Variants in LRRC4C observed in about 807,000 individuals in gnomAD.
The protein encoded by LRRC4C is leucine rich repeat containing 4C.
LRRC4C carries 5 observed loss-of-function variants against 33.6 expected under a neutral mutation model. The ratio of observed to expected loss-of-function variants is 0.15; its 90% CI spans 0.08 to 0.31. The LOEUF is 0.31. LRRC4C is among the 10% of genes least tolerant of loss of function. The pLI is 1.00. For missense variants in LRRC4C, 560 were observed against 796.7 expected, an observed-to-expected ratio of 0.70 and a Z score of 3.58; for synonymous variants, 329 against 302.0, an observed-to-expected ratio of 1.09 and a Z score of -0.93.
Position 40,336,976 on chromosome 11 carries a change from CAAAAAAAAAA to C in LRRC4C, c.-269-17265_-269-17256del, listed in dbSNP as rs34144874. 4.0e-3 allele frequency among the ~76,000 whole-genome samples: 313 copies of C among 79,228 alleles called. 1 individual carries two copies. The highest frequency in any genetic ancestry group is 0.015 in the South Asian group (41 of 2,656). The allele number at this position is 79,228 out of a possible 152,430, so 52.0% of individuals were successfully genotyped here. The stretch of plus-strand genomic sequence containing the variant: ...TGGGGGACAGAGCGAGACTTCGTCT[CAAAAAAAAAA>C]AAAAAAAAAAAAAAAAAAAAGAGCG... On this transcript the variant is annotated intron_variant, in intron 3 of 6. Transcript: ENST00000528697.
At chr11:40,728,250 A>AATTAAAAATAG (rs1458819742) in intron 2 of LRRC4C, among the ~76,000 whole-genome samples, 1 of 152,150 alleles carries the variant, frequency 6.6e-6, no homozygotes, top group Non-Finnish European at 1.5e-5. Flanking sequence ...TTTCTCAAAG[A>AATTAAAAATAG]ATTAAAAATA....
At chr11:40,303,292 G>A (rs16934698) in intron 4 of LRRC4C, among the ~76,000 whole-genome samples, 8,147 of 152,102 alleles carry the variant, frequency 0.054, 303 homozygotes, top group African/African-American at 0.093. Flanking sequence ...ATTAATTTGC[G>A]TATTTGTTTG....
intron 3 of LRRC4C, among the ~76,000 whole-genome samples, chr11:40,565,241 T>C (rs546042051): frequency 1.7e-4 from 26 of 152,212 alleles, no homozygotes; most frequent in African/African-American, 6.0e-4. Context: ...GAAGTGAGTC[T>C]GTGCATCATA....
At chr11:40,982,511 A>G (rs1020477040) in intron 1 of LRRC4C, among the ~76,000 whole-genome samples, 6 of 152,186 alleles carry the variant, frequency 3.9e-5, no homozygotes, top group African/African-American at 1.2e-4. Context: ...ATGCATGCCA[A>G]TCAGCCTGTA....
intron 4 of LRRC4C, among the ~76,000 whole-genome samples, chr11:40,303,083 G>A (rs1272579605): frequency 6.6e-6 from 1 of 152,084 alleles, no homozygotes; most frequent in African/African-American, 2.4e-5. Flanking sequence ...GGGCTAATAA[G>A]AAGTGACATG....
chr11:40,633,652 A>G (rs772564458), intron 3 of LRRC4C, among the ~76,000 whole-genome samples: 3 of 152,036 alleles, frequency 2.0e-5, no homozygotes, highest in Non-Finnish European at 1.5e-5. Flanking sequence ...GGCCTCCCAA[A>G]GTGCTGGGAT....
intron 2 of LRRC4C, among the ~76,000 whole-genome samples, chr11:40,698,375 T>A (rs946504363): frequency 5.3e-5 from 8 of 152,214 alleles, no homozygotes; most frequent in Non-Finnish European, 1.2e-4. Flanking sequence ...TAACTTTTAA[T>A]TCTTCTCTAT....
intron 3 of LRRC4C, among the ~76,000 whole-genome samples, chr11:40,597,733 C>T (rs1959504583): frequency 6.6e-6 from 1 of 152,156 alleles, no homozygotes; most frequent in African/African-American, 2.4e-5. Context: ...GAACGCTGAG[C>T]TAGCAAATTC....
At position 41,423,645 on chromosome 11, in the gene LRRC4C, T is replaced by G. The variant is rs370025415; in HGVS notation, c.-496+35786A>C. 2.0e-5 allele frequency among the ~76,000 whole-genome samples: 3 copies of G among 152,180 alleles called. No individual in the cohort carries two copies. In the South Asian group the frequency reaches 6.2e-4, roughly 32 times the overall value. Reference sequence around the variant, plus strand: ...TAACTTCAATTAAGAAAAAGAGAACTGGATACTGAGTAGCAAAATACTTCT... The same window carrying G: ...TAACTTCAATTAAGAAAAAGAGAACGGGATACTGAGTAGCAAAATACTTCT... On this transcript the variant is annotated intron_variant, in intron 1 of 6. Coordinates refer to ENST00000528697, the MANE Select transcript of LRRC4C (RefSeq NM_001258419.2).
At chr11:40,177,946 T>C (rs1186937401) in intron 5 of LRRC4C, among the ~76,000 whole-genome samples, 1 of 152,200 alleles carries the variant, frequency 6.6e-6, no homozygotes, top group Non-Finnish European at 1.5e-5. Flanking sequence ...TCAATTTTCA[T>C]AAAGACTTTG....
At chr11:41,207,360 G>A (rs1197625629) in intron 1 of LRRC4C, among the ~76,000 whole-genome samples, 1 of 151,964 alleles carries the variant, frequency 6.6e-6, no homozygotes, top group Non-Finnish European at 1.5e-5. Context: ...AAAAACAGTT[G>A]CTCTGAGCCA....
chr11:40,523,473 TCTTA>T (rs1955908505), intron 3 of LRRC4C, among the ~76,000 whole-genome samples: 1 of 150,912 alleles, frequency 6.6e-6, no homozygotes, highest in South Asian at 2.1e-4. Flanking sequence ...CATCCTGCAG[TCTTA>T]CTGATTTCTA....
intron 3 of LRRC4C, among the ~76,000 whole-genome samples, chr11:40,476,342 C>CTTTCTTTTTTTTTTTTTTTTTTTTTT (rs1555074955): frequency 2.5e-5 from 2 of 81,370 alleles, no homozygotes; most frequent in Admixed American, 1.5e-4. Context: ...TTTTTTTCTT[C>CTTTCTTTTTTTTTTTTTTTTTTTTTT]TTTTTTTTTT....
At chr11:41,092,993 A>G (rs960855913) in intron 1 of LRRC4C, among the ~76,000 whole-genome samples, 3 of 152,242 alleles carry the variant, frequency 2.0e-5, no homozygotes, top group Admixed American at 2.0e-4. Flanking sequence ...AAAGTACTTC[A>G]TCAATTTCTA....
chr11:40,878,343 T>C (rs1023978214), intron 2 of LRRC4C, among the ~76,000 whole-genome samples: 1 of 152,106 alleles, frequency 6.6e-6, no homozygotes, highest in Non-Finnish European at 1.5e-5. Context: ...AGCAATTGAT[T>C]TATTATGGTC....
chr11:41,421,927 C>T (rs190151208), intron 1 of LRRC4C, among the ~76,000 whole-genome samples: 16 of 152,120 alleles, frequency 1.1e-4, no homozygotes, highest in Middle Eastern at 3.4e-3. Flanking sequence ...GTCCATTATG[C>T]AGGAGACTTT....
At chr11:40,424,208 C>T (rs1486780884) in intron 3 of LRRC4C, among the ~76,000 whole-genome samples, 1 of 152,112 alleles carries the variant, frequency 6.6e-6, no homozygotes, top group Non-Finnish European at 1.5e-5. Context: ...CCTGGAAATG[C>T]ATTTCACTAC....
chr11:40,514,584 A>G (rs7935036), intron 3 of LRRC4C, among the ~76,000 whole-genome samples: 9,920 of 152,162 alleles, frequency 0.065, 849 homozygotes, highest in African/African-American at 0.2. Context: ...AGAATTATTG[A>G]CACTCAATAA....
chr11:41,183,279 A>G (rs906631454), intron 1 of LRRC4C, among the ~76,000 whole-genome samples: 1 of 152,156 alleles, frequency 6.6e-6, no homozygotes, highest in African/African-American at 2.4e-5. Context: ...AAAAGTCCAC[A>G]GTCTAAAGTC....
Sources: allele counts gnomAD v4.1 joint callset (sites outside exome capture counted in the v4.1 genomes callset), GRCh38; gene constraint gnomAD v4.1.1; transcripts MANE v1.5; gene names NCBI Gene and HGNC (gene_info 2026-07-23, HGNC 2026-07-21).